CDH18: variants seen among roughly 807,000 people sequenced by gnomAD.
CDH18 encodes cadherin 18.
A neutral mutation model predicts 67.9 loss-of-function variants in CDH18; 31 were observed. The observed-to-expected ratio is 0.46, with a 90% CI of 0.34 to 0.62. The LOEUF is 0.62. Ranked by LOEUF, CDH18 falls within the 20% of genes least tolerant of loss-of-function variation. CDH18 has a pLI of 0.01. For missense variants in CDH18, 890 were observed against 975.5 expected (o/e 0.91, Z 1.17); for synonymous variants, 362 against 347.2 (o/e 1.04, Z -0.48).
chr5:20,509,695 A>C (rs1754903779), intron 1 of CDH18, among the ~76,000 whole-genome samples: 1 of 41,464 alleles, frequency 2.4e-5, no homozygotes, highest in African/African-American at 8.1e-5. Flanking sequence ...CTGGGATTAC[A>C]GGCATGAGCC....
Position 19,612,550 on chromosome 5 carries a change from T to C in CDH18, c.695A>G (p.Tyr232Cys), listed in dbSNP as rs776347812. The change falls in exon 6 of 13, where the codon TAC becomes TGC. Residue 232 changes from tyrosine (Y) to cysteine (C), a missense_variant. Tyr to Cys is a radical substitution (Grantham distance 194, BLOSUM62 -2). This residue lies in a region of CDH18 where 234 missense variants were observed against 307.4 expected (regional missense o/e 0.76). Coordinates refer to ENST00000382275, the MANE Select transcript of CDH18 (RefSeq NM_004934.5). ...GTCTTTGGCTTGAATGACTACGGAG[T>C]AATGTTCTCTGGCTTCTCTGTCCAT... ...HNMDREAREH[Y>C]SVVIQAKDMA... 6.2e-7 allele frequency: 1 copy of C among 1,613,898 alleles called. No individual in the cohort carries two copies. The highest frequency in any genetic ancestry group is 2.2e-5 in the East Asian group (1 of 44,844).
chr5:20,325,246 A>G (rs1006701579), intron 1 of CDH18, among the ~76,000 whole-genome samples: 3 of 152,166 alleles, frequency 2.0e-5, no homozygotes, highest in Non-Finnish European at 2.9e-5. Context: ...ATCCTCCATG[A>G]ACTGAATCCC....
At chr5:20,333,557 G>A (rs141043183) in intron 1 of CDH18, among the ~76,000 whole-genome samples, 4 of 134,572 alleles carry the variant, frequency 3.0e-5, no homozygotes, top group Non-Finnish European at 6.3e-5. Context: ...ACACATATAT[G>A]TATATATATA....
intron 9 of CDH18, among the ~76,000 whole-genome samples, chr5:19,535,729 A>G (rs896907873): frequency 1.3e-5 from 2 of 152,222 alleles, no homozygotes; most frequent in African/African-American, 4.8e-5. Context: ...CCACAAGTGA[A>G]AAAGAGAGCT....
intron 1 of CDH18, among the ~76,000 whole-genome samples, chr5:20,453,692 T>C (rs185676700): frequency 2.6e-4 from 40 of 151,978 alleles, no homozygotes; most frequent in African/African-American, 9.2e-4. Context: ...AATGTTAAGT[T>C]GTGTGGTTAG....
rs182365972 is a variant in CDH18 at position 19,876,959 on chromosome 5, C to T, written c.-256-37717G>A. Among the ~76,000 whole-genome samples, 1,096 of 152,164 alleles carry T rather than the reference C, an allele frequency of 7.2e-3. 13 individuals carry two copies. Among genetic ancestry groups the T allele is most frequent in the Non-Finnish European group, 7.9e-3 (539 of 67,996 alleles). On this transcript the variant is annotated intron_variant, in intron 2 of 12. Transcript: ENST00000382275. ...CATAAAATCTTCCCTTGTGATCAAT[C>T]CTCCATTTGCTCTACCCATCTGGTG... is the stretch of plus-strand genomic sequence containing the variant.
In CDH18 at chr5:19,960,567, G is replaced by A. The variant is rs865954965; in HGVS notation, c.-257+20493C>T. 1.3e-3 allele frequency among the ~76,000 whole-genome samples: 167 copies of A among 125,900 alleles called. 1 individual carries two copies. Among genetic ancestry groups the A allele is most frequent in the African/African-American group, 5.0e-3 (130 of 25,818 alleles). The allele number at this position is 125,900 out of a possible 152,430, so 82.6% of individuals were successfully genotyped here. A position where few individuals can be genotyped will look rare whatever the true frequency, so the allele number is the denominator to read the frequency against. ...TATACGTGTGTGTGTGTGTATGTGT[G>A]TGTGTGTGTGTGTGTGTGTGTGTAT... is the stretch of plus-strand genomic sequence containing the variant. On this transcript the variant is annotated intron_variant, in intron 2 of 12. Coordinates refer to ENST00000382275, the MANE Select transcript of CDH18 (RefSeq NM_004934.5).
chr5:20,210,629 T>C (rs1158670865), intron 2 of CDH18, among the ~76,000 whole-genome samples: 2 of 151,990 alleles, frequency 1.3e-5, no homozygotes, highest in Non-Finnish European at 2.9e-5. Flanking sequence ...AAAGTAATGT[T>C]GATCTTGGAT....
chr5:19,895,185 G>A (rs996313132), intron 2 of CDH18, among the ~76,000 whole-genome samples: 2 of 152,088 alleles, frequency 1.3e-5, no homozygotes, highest in Non-Finnish European at 2.9e-5. Flanking sequence ...GTCAATCAGG[G>A]AACAGAACTG....
intron 11 of CDH18, among the ~76,000 whole-genome samples, chr5:19,489,822 T>C (rs1741098436): frequency 6.6e-6 from 1 of 152,212 alleles, no homozygotes; most frequent in Admixed American, 6.5e-5. Context: ...TCAGGAAATG[T>C]GCTTATGAAT....
chr5:19,994,867 G>GAT (rs1735871057), intron 2 of CDH18, among the ~76,000 whole-genome samples: 1 of 135,082 alleles, frequency 7.4e-6, no homozygotes, highest in Non-Finnish European at 1.6e-5. Flanking sequence ...GAGAGAGAGA[G>GAT]AGAGAGAGAG....
chr5:20,424,319 C>T (rs754139660), intron 1 of CDH18, among the ~76,000 whole-genome samples: 2 of 150,658 alleles, frequency 1.3e-5, no homozygotes, highest in African/African-American at 2.5e-5. Flanking sequence ...ACACACAGGC[C>T]GTATGTTTTT....
intron 5 of CDH18, among the ~76,000 whole-genome samples, chr5:19,649,581 T>G (rs1290986216): frequency 1.3e-5 from 2 of 152,066 alleles, no homozygotes; most frequent in African/African-American, 4.8e-5. Flanking sequence ...TGGTTTTCCC[T>G]TCACAACTAC....
At chr5:20,193,352 C>G (rs1290691335) in intron 2 of CDH18, among the ~76,000 whole-genome samples, 1 of 152,042 alleles carries the variant, frequency 6.6e-6, no homozygotes, top group African/African-American at 2.4e-5. Context: ...TGGACATATT[C>G]CTGGACACAT....
At chr5:20,159,573 A>C (rs763081479) in intron 2 of CDH18, among the ~76,000 whole-genome samples, 1 of 152,172 alleles carries the variant, frequency 6.6e-6, no homozygotes, top group Non-Finnish European at 1.5e-5. Flanking sequence ...AGTAATTGTC[A>C]GTCATTTTAT....
intron 5 of CDH18, among the ~76,000 whole-genome samples, chr5:19,617,492 T>A (rs928580335): frequency 1.3e-5 from 2 of 152,244 alleles, no homozygotes; most frequent in African/African-American, 2.4e-5. Context: ...GCAGCAAAAT[T>A]AATTTCCATA....
intron 11 of CDH18, among the ~76,000 whole-genome samples, chr5:19,486,851 G>A (rs1326520227): frequency 1.3e-5 from 2 of 151,918 alleles, no homozygotes; most frequent in Non-Finnish European, 2.9e-5. Flanking sequence ...GCATCCAAAT[G>A]AATAAGAAAA....
At chr5:19,737,506 C>T (rs891365823) in intron 4 of CDH18, among the ~76,000 whole-genome samples, 1 of 152,204 alleles carries the variant, frequency 6.6e-6, no homozygotes, top group East Asian at 1.9e-4. Flanking sequence ...TATCTAATCA[C>T]TGGGCCTATT....
intron 3 of CDH18, among the ~76,000 whole-genome samples, chr5:19,792,411 G>C (rs1310999858): frequency 2.0e-5 from 3 of 152,082 alleles, no homozygotes; most frequent in Non-Finnish European, 4.4e-5. Context: ...ATTGTTGGCT[G>C]GCTTAGTTGC....
Sources: gnomAD v4.1 joint callset for allele counts (sites outside exome capture counted in the v4.1 genomes callset) on GRCh38, gnomAD v4.1.1 for gene constraint, gnomAD v4.1.1 regional missense constraint, MANE v1.5 for transcripts, NCBI Gene and HGNC (gene_info 2026-07-23, HGNC 2026-07-21) for gene names.